The following ATRN variants were observed in gnomAD, a reference collection of about 807,000 sequenced individuals.
ATRN encodes attractin, also known as attractin-2.
Under a neutral mutation model 178.7 loss-of-function variants are expected in ATRN, and 54 were observed. The ratio of observed to expected loss-of-function variants is 0.30; its 90% CI spans 0.24 to 0.38. The LOEUF (loss-of-function observed/expected upper bound fraction) is 0.38. ATRN is among the 10% of genes least tolerant of loss of function. The pLI is 1.00. For synonymous variants in ATRN, 636 were observed against 663.0 expected (o/e 0.96, Z 0.63); for missense variants, 1,443 against 1,815.1 (o/e 0.79, Z 3.73).
intron 6 of ATRN, 100 bp downstream of exon 6, chr20:3,549,438 C>A: frequency 9.6e-7 from 1 of 1,046,818 alleles, no homozygotes; most frequent in Non-Finnish European, 1.3e-6. Context: ...ATTCTACTAC[C>A]TAAAGAAAAT....
chr20:3,547,259 G>A lies in ATRN; in HGVS notation c.738-25G>A, dbSNP rs764906552. On this transcript the variant is annotated intron_variant, in intron 4 of 28. Coordinates refer to ENST00000262919, the MANE Select transcript of ATRN (RefSeq NM_139321.3). Reference sequence around the variant, plus strand: ...AATGGAAGCGTTGCGTTGTGTTAATGTAATTTTCCCTGCTATTTTTACAGT... The same window carrying A: ...AATGGAAGCGTTGCGTTGTGTTAATATAATTTTCCCTGCTATTTTTACAGT... 7.0e-6 allele frequency: 11 copies of A among 1,569,356 alleles called. No individual in the cohort carries two copies. In the Admixed American group the frequency reaches 1.0e-4, roughly 14 times the overall value.
At chr20:3,545,321 A>G (rs2085684374) in intron 3 of ATRN, among the ~76,000 whole-genome samples, 1 of 149,858 alleles carries the variant, frequency 6.7e-6, no homozygotes, top group Non-Finnish European at 1.5e-5. Flanking sequence ...CTGAGATTGC[A>G]CCACTGCACT....
chr20:3,485,726 A>G (rs928615128), intron 1 of ATRN, among the ~76,000 whole-genome samples: 6 of 144,264 alleles, frequency 4.2e-5, no homozygotes, highest in Admixed American at 1.5e-4. Flanking sequence ...GGTTCAAGCA[A>G]TTCTCCTGCC....
chr20:3,542,591 TCCCTTC>T (rs1379622087), intron 3 of ATRN, among the ~76,000 whole-genome samples: 1,219 of 91,628 alleles, frequency 0.013, 19 homozygotes, highest in African/African-American at 0.05. Context: ...CTTCCCCTTC[TCCCTTC>T]CCCTTCCCCC....
chr20:3,521,761 A>T (rs936142813), intron 1 of ATRN, among the ~76,000 whole-genome samples: 2 of 152,134 alleles, frequency 1.3e-5, no homozygotes, highest in Non-Finnish European at 2.9e-5. Flanking sequence ...GTCTCAATAC[A>T]TTTAAAAGAT....
intron 23 of ATRN, among the ~76,000 whole-genome samples, chr20:3,603,095 G>A (rs908671993): frequency 6.0e-5 from 9 of 151,208 alleles, no homozygotes; most frequent in Admixed American, 3.3e-4. Flanking sequence ...AATCTTTATC[G>A]GCACTTGAAT....
chr20:3,596,407 C>T lies in ATRN; in HGVS notation c.3447C>T (p.Asn1149=). The part of the protein sequence containing the change: ...LCEVENRYQG[N]PLRGTCYYTL... Reference sequence around the variant, plus strand: ...AGGTAGAAAATCGATACCAAGGAAACCCTCTCAGAGGAACATGTTATTGTA... The same window carrying T: ...AGGTAGAAAATCGATACCAAGGAAATCCTCTCAGAGGAACATGTTATTGTA... The change falls in exon 21 of 29, where the codon AAC becomes AAT. Residue 1149 remains asparagine (N), a synonymous_variant. Coordinates refer to ENST00000262919, the MANE Select transcript of ATRN (RefSeq NM_139321.3). 6 of 1,613,614 alleles carry T rather than the reference C, an allele frequency of 3.7e-6. No individual in the cohort carries two copies. The highest frequency in any genetic ancestry group is 5.1e-6 in the Non-Finnish European group (6 of 1,179,622).
At chr20:3,493,979 T>C (rs760639399) in intron 1 of ATRN, among the ~76,000 whole-genome samples, 9 of 152,334 alleles carry the variant, frequency 5.9e-5, no homozygotes, top group African/African-American at 2.2e-4. Context: ...GAATGAGATA[T>C]GTTCTTGAGA....
At chr20:3,542,804 T>A (rs1417079601) in intron 3 of ATRN, among the ~76,000 whole-genome samples, 6 of 81,250 alleles carry the variant, frequency 7.4e-5, no homozygotes, top group African/African-American at 1.6e-4. Context: ...TTTTTGTATT[T>A]TTTTTTTTTT....
intron 1 of ATRN, among the ~76,000 whole-genome samples, chr20:3,521,712 C>T (rs1028387020): frequency 1.8e-4 from 27 of 152,282 alleles, no homozygotes; most frequent in African/African-American, 6.5e-4. Context: ...GCCCTTGGAA[C>T]ATTCAGTAAA....
At chr20:3,500,132 A>C (rs1444255316) in intron 1 of ATRN, among the ~76,000 whole-genome samples, 1 of 152,196 alleles carries the variant, frequency 6.6e-6, no homozygotes, top group South Asian at 2.1e-4. Context: ...AACCACAATG[A>C]GATACCATCT....
chr20:3,503,407 A>C (rs1413784963), intron 1 of ATRN, among the ~76,000 whole-genome samples: 1 of 152,210 alleles, frequency 6.6e-6, no homozygotes, highest in African/African-American at 2.4e-5. Context: ...GATGAATCAG[A>C]TGTTGGAATT....
At chr20:3,532,880 A>G (rs1054274546) in intron 1 of ATRN, among the ~76,000 whole-genome samples, 28 of 151,940 alleles carry the variant, frequency 1.8e-4, no homozygotes, top group African/African-American at 6.3e-4. Flanking sequence ...CTCCTGCCTC[A>G]ACCTCCCGAG....
chr20:3,614,977 T>C (rs753227588), intron 24 of ATRN, among the ~76,000 whole-genome samples: 10 of 152,242 alleles, frequency 6.6e-5, no homozygotes, highest in Non-Finnish European at 1.5e-4. Context: ...ATCTTCCTTA[T>C]ATGTATATAC....
In ATRN at chr20:3,582,744, G is replaced by A. The variant is rs189026436; in HGVS notation, c.2764+390G>A. 1.8e-3 allele frequency among the ~76,000 whole-genome samples: 270 copies of A among 152,268 alleles called. 2 individuals are homozygous for A. The highest frequency in any genetic ancestry group is 0.016 in the South Asian group (76 of 4,826). Reference sequence around the variant, plus strand: ...AACAAAGAAAAGATTAGTAAAGCAAGCAAGTGACTGCAGGGACAGTGTTCA... The same window carrying A: ...AACAAAGAAAAGATTAGTAAAGCAAACAAGTGACTGCAGGGACAGTGTTCA... On this transcript the variant is annotated intron_variant, in intron 16 of 28. Coordinates refer to ENST00000262919, the MANE Select transcript of ATRN (RefSeq NM_139321.3).
At chr20:3,622,350 T>C (rs545369287) in intron 24 of ATRN, among the ~76,000 whole-genome samples, 2 of 152,238 alleles carry the variant, frequency 1.3e-5, no homozygotes, top group Non-Finnish European at 2.9e-5. Context: ...TTGCCAATGG[T>C]TTTGTGCGAG....
At chr20:3,613,377 A>G (rs986194108) in intron 24 of ATRN, among the ~76,000 whole-genome samples, 1 of 152,162 alleles carries the variant, frequency 6.6e-6, no homozygotes, top group African/African-American at 2.4e-5. Flanking sequence ...TGGGGACCGT[A>G]TCTGGCTGTG....
intron 1 of ATRN, among the ~76,000 whole-genome samples, chr20:3,486,057 C>A (rs1035698465): frequency 3.3e-5 from 5 of 152,164 alleles, no homozygotes; most frequent in South Asian, 2.1e-4. Flanking sequence ...TTTCTTTGAG[C>A]AATTTGAATG....
At chr20:3,614,567 C>T (rs144997221) in intron 24 of ATRN, among the ~76,000 whole-genome samples, 13 of 152,258 alleles carry the variant, frequency 8.5e-5, no homozygotes, top group African/African-American at 3.1e-4. Context: ...CTAACAGGAT[C>T]GCTATACTGA....
Sources: allele counts gnomAD v4.1 joint callset (sites outside exome capture counted in the v4.1 genomes callset), GRCh38; gene constraint gnomAD v4.1.1; transcripts MANE v1.5; gene names NCBI Gene and HGNC (gene_info 2026-07-23, HGNC 2026-07-21).